Variants in GNA12 observed in about 807,000 individuals in gnomAD.
GNA12 encodes guanine nucleotide-binding protein subunit alpha-12.
A neutral mutation model predicts 26.0 loss-of-function variants in GNA12; 9 were observed. The observed-to-expected ratio is 0.35, with a 90% confidence interval of 0.21 to 0.60. The LOEUF (loss-of-function observed/expected upper bound fraction) is 0.60. Ranked by LOEUF, GNA12 falls within the 20% of genes least tolerant of loss-of-function variation. The pLI, the probability that GNA12 is intolerant of heterozygous loss-of-function variation, is 0.78. For missense variants in GNA12, 405 were observed against 525.8 expected (o/e 0.77, Z 2.25); for synonymous variants, 264 against 219.6 (o/e 1.20, Z -1.79).
At chr7:2,795,804 G>A (rs1407939762) in intron 1 of GNA12, among the ~76,000 whole-genome samples, 2 of 143,090 alleles carry the variant, frequency 1.4e-5, no homozygotes, top group African/African-American at 5.1e-5. Context: ...AAGTGTATCA[G>A]TAAAAAAACA....
At chr7:2,807,676 T>C (rs1792981310) in intron 1 of GNA12, among the ~76,000 whole-genome samples, 1 of 151,662 alleles carries the variant, frequency 6.6e-6, no homozygotes, top group Non-Finnish European at 1.5e-5. Context: ...AAGTTCAAAC[T>C]TGCGATAAGA....
intron 2 of GNA12, among the ~76,000 whole-genome samples, chr7:2,740,135 T>TACTA (rs1554255191): frequency 1.3e-5 from 2 of 152,226 alleles, no homozygotes; most frequent in East Asian, 3.8e-4. Context: ...GTGGCCATCC[T>TACTA]ACTAGCTGTG....
intron 2 of GNA12, among the ~76,000 whole-genome samples, chr7:2,746,262 G>C (rs1790758594): frequency 6.6e-6 from 1 of 152,050 alleles, no homozygotes; most frequent in Admixed American, 6.6e-5. Context: ...TTGACCACTT[G>C]ATAGTTGGAA....
intron 2 of GNA12, among the ~76,000 whole-genome samples, chr7:2,793,808 A>G (rs138586072): frequency 0.019 from 2,867 of 149,056 alleles, 52 homozygotes; most frequent in Middle Eastern, 0.074. Flanking sequence ...ACTTGAATCC[A>G]GAGGTGGAGG....
intron 2 of GNA12, chr7:2,763,267 C>G: frequency 3.5e-6 from 1 of 286,890 alleles, no homozygotes; most frequent in Non-Finnish European, 5.3e-6. Flanking sequence ...ATTTGCCTTC[C>G]CAGGCCCGTG....
intron 2 of GNA12, among the ~76,000 whole-genome samples, chr7:2,748,172 A>G (rs1249984920): frequency 2.7e-5 from 4 of 150,816 alleles, no homozygotes; most frequent in Non-Finnish European, 5.9e-5. Flanking sequence ...TAAAGTTCAT[A>G]TGGAACCAAA....
At chr7:2,773,336 G>T (rs1489849533) in intron 2 of GNA12, among the ~76,000 whole-genome samples, 1 of 152,222 alleles carries the variant, frequency 6.6e-6, no homozygotes, top group East Asian at 1.9e-4. Flanking sequence ...GGCCGACATG[G>T]GTGATCACCT....
At chr7:2,768,682 CAAAACAAAA>C (rs1791872048) in intron 2 of GNA12, among the ~76,000 whole-genome samples, 5 of 97,622 alleles carry the variant, frequency 5.1e-5, no homozygotes, top group Admixed American at 2.1e-4. Context: ...AAAAACAAAA[CAAAACAAAA>C]AAAAAAACAG....
Position 2,733,521 on chromosome 7 carries a change from T to C in GNA12, c.526-20A>G, listed in dbSNP as rs2115290053. The C allele has an allele frequency of 4.4e-6, 7 of 1,605,488 alleles. No individual in the cohort carries two copies. The East Asian group carries it at 1.3e-4, about 31-fold the overall frequency. On this transcript the variant is annotated intron_variant, in intron 2 of 3. Coordinates refer to ENST00000275364, the MANE Select transcript of GNA12 (RefSeq NM_007353.3). The stretch of plus-strand genomic sequence containing the variant: ...CTCCCCCTGTCAGGAAGGAAGAATA[T>C]TCACAGCTCAGTCTGGACTGAGGAA...
chr7:2,767,107 G>C (rs542653848), intron 2 of GNA12, among the ~76,000 whole-genome samples: 1 of 152,336 alleles, frequency 6.6e-6, no homozygotes, highest in Admixed American at 6.5e-5. Flanking sequence ...TTCTTGTTGA[G>C]TTGTAGGAGT....
intron 2 of GNA12, among the ~76,000 whole-genome samples, chr7:2,738,839 GT>G (rs954616152): frequency 6.6e-6 from 1 of 152,170 alleles, no homozygotes; most frequent in African/African-American, 2.4e-5. Context: ...TATTTTGTTT[GT>G]TTTTTTGTTT....
intron 1 of GNA12, among the ~76,000 whole-genome samples, chr7:2,816,096 C>T (rs552364525): frequency 2.0e-5 from 3 of 152,250 alleles, no homozygotes; most frequent in East Asian, 1.9e-4. Flanking sequence ...CACTGTTGGT[C>T]GCAGGGAAAA....
intron 2 of GNA12, among the ~76,000 whole-genome samples, chr7:2,743,179 C>A (rs1367484064): frequency 1.3e-5 from 2 of 152,126 alleles, no homozygotes; most frequent in Non-Finnish European, 2.9e-5. Flanking sequence ...GCCCCTGAAC[C>A]GTATATATGG....
intron 2 of GNA12, among the ~76,000 whole-genome samples, chr7:2,782,034 A>G (rs1258500830): frequency 6.6e-6 from 1 of 152,218 alleles, no homozygotes; most frequent in East Asian, 1.9e-4. Context: ...GATTTTCAAC[A>G]AGAATGCCAT....
chr7:2,785,121 A>G (rs1329154747), intron 2 of GNA12, among the ~76,000 whole-genome samples: 1 of 152,232 alleles, frequency 6.6e-6, no homozygotes, highest in African/African-American at 2.4e-5. Context: ...GCAGAAACAC[A>G]TTAAGTTTCT....
At chr7:2,817,551 T>C (rs957755564) in intron 1 of GNA12, among the ~76,000 whole-genome samples, 6 of 152,236 alleles carry the variant, frequency 3.9e-5, no homozygotes, top group Non-Finnish European at 7.3e-5. Flanking sequence ...GCTCTCTCTG[T>C]GGAGACATTA....
rs75011879 is a variant in GNA12 at position 2,740,132 on chromosome 7, T to C, written c.526-6631A>G. The stretch of plus-strand genomic sequence containing the variant: ...TTCTGATTTTTAAAAACGGTGGCCA[T>C]CCTACTAGCTGTGAAATGGCACTCC... On this transcript the variant is annotated intron_variant, in intron 2 of 3. Coordinates refer to ENST00000275364, the MANE Select transcript of GNA12 (RefSeq NM_007353.3). Among the ~76,000 whole-genome samples the C allele has an allele frequency of 5.2e-3, 798 of 152,296 alleles. 7 individuals are homozygous for C. Among genetic ancestry groups the C allele is most frequent in the African/African-American group, 0.018 (753 of 41,546 alleles).
chr7:2,763,342 C>G (rs769489310), intron 2 of GNA12: 1 of 158,288 alleles, frequency 6.3e-6, no homozygotes, highest in South Asian at 2.0e-4. Context: ...GGTGCGCCCT[C>G]GGCACAGTTT....
intron 2 of GNA12, among the ~76,000 whole-genome samples, chr7:2,791,974 A>G (rs1792532167): frequency 6.6e-6 from 1 of 152,234 alleles, no homozygotes; most frequent in Admixed American, 6.5e-5. Flanking sequence ...TCTGATTATT[A>G]CAGACTTTAC....
Sources: allele counts gnomAD v4.1 joint callset (sites outside exome capture counted in the v4.1 genomes callset), GRCh38; gene constraint gnomAD v4.1.1; transcripts MANE v1.5; gene names NCBI Gene and HGNC (gene_info 2026-07-23, HGNC 2026-07-21).